Variants in RBFOX1 observed in about 807,000 individuals in gnomAD.
RBFOX1 encodes the protein RNA binding protein fox-1 homolog 1.
In RBFOX1, 8 loss-of-function variants were observed where a neutral mutation model predicts 57.7. The ratio of observed to expected loss-of-function variants is 0.14; its 90% CI spans 0.08 to 0.25. The LOEUF is 0.25. Among genes scored for constraint, RBFOX1 ranks in the 10% least tolerant of loss-of-function variants. RBFOX1 has a pLI of 1.00. For synonymous variants in RBFOX1, 326 were observed against 222.4 expected (o/e 1.47, Z -4.15); for missense variants, 611 against 548.5 (o/e 1.11, Z -1.14).
chr16:6,970,428 A>G (rs1158648459), intron 3 of RBFOX1, among the ~76,000 whole-genome samples: 1 of 152,170 alleles, frequency 6.6e-6, no homozygotes, highest in Admixed American at 6.5e-5. Flanking sequence ...AGGCTGCTAC[A>G]TCAAGATACC....
intron 13 of RBFOX1, among the ~76,000 whole-genome samples, chr16:7,670,448 A>G (rs2071025766): frequency 6.6e-6 from 1 of 152,246 alleles, no homozygotes; most frequent in South Asian, 2.1e-4. Flanking sequence ...CCCTGAGCCC[A>G]CAAACTCAAG....
chr16:5,675,581 AT>A (rs1389542724), intron 3 of RBFOX1, among the ~76,000 whole-genome samples: 1 of 152,216 alleles, frequency 6.6e-6, no homozygotes, highest in African/African-American at 2.4e-5. Context: ...CGAGCTGTTT[AT>A]GTTTAAACAT....
chr16:6,416,619 G>A (rs1247984744), intron 2 of RBFOX1, among the ~76,000 whole-genome samples: 3 of 152,106 alleles, frequency 2.0e-5, no homozygotes, highest in Non-Finnish European at 4.4e-5. Flanking sequence ...TATGTCCTCA[G>A]TAAGAACCCC....
intron 4 of RBFOX1, among the ~76,000 whole-genome samples, chr16:7,370,029 C>CT (rs1198555078): frequency 6.6e-6 from 1 of 152,194 alleles, no homozygotes; most frequent in Non-Finnish European, 1.5e-5. Context: ...TCTAAGTCAG[C>CT]TTCTGAACCT....
chr16:5,887,756 T>C (rs1232167575), intron 4 of RBFOX1, among the ~76,000 whole-genome samples: 1 of 152,156 alleles, frequency 6.6e-6, no homozygotes, highest in Non-Finnish European at 1.5e-5. Context: ...AGACAGGGAT[T>C]GGTTCACCCG....
intron 4 of RBFOX1, among the ~76,000 whole-genome samples, chr16:7,411,595 C>G (rs1256073991): frequency 1.3e-5 from 2 of 152,156 alleles, no homozygotes; most frequent in African/African-American, 2.4e-5. Context: ...ATCTGACTGT[C>G]AAGGTGATCA....
rs1404786206 is a variant in RBFOX1, at chr16:7,518,136, TGA to T, written c.28-10_28-9del. 5 of 1,606,520 alleles carry T rather than the reference TGA, an allele frequency of 3.1e-6. No homozygotes were observed. Among genetic ancestry groups the T allele is most frequent in the Admixed American group, 3.4e-5 (2 of 59,334 alleles). Reference sequence around the variant, plus strand: ...CGTTCTCTCCCTCTCTGCACCTTTTTGATTTTTCAGGGTAATCAGGAAGCAGC... The same window carrying T: ...CGTTCTCTCCCTCTCTGCACCTTTTTTTTTTCAGGGTAATCAGGAAGCAGC... On this transcript the variant is annotated splice_polypyrimidine_tract_variant and intron_variant, in intron 4 of 15. Transcript: ENST00000550418.
intron 3 of RBFOX1, among the ~76,000 whole-genome samples, chr16:7,039,003 G>T (rs1347687317): frequency 6.6e-6 from 1 of 151,418 alleles, no homozygotes; most frequent in African/African-American, 2.4e-5. Flanking sequence ...TGACTCTCTT[G>T]ATATAAGTAC....
At chr16:7,642,510 G>A (rs1381903974) in intron 11 of RBFOX1, among the ~76,000 whole-genome samples, 1 of 152,118 alleles carries the variant, frequency 6.6e-6, no homozygotes, top group Non-Finnish European at 1.5e-5. Flanking sequence ...AGAGAACCTT[G>A]GGAAATCCAG....
intron 4 of RBFOX1, among the ~76,000 whole-genome samples, chr16:7,263,082 C>G (rs2094983649): frequency 6.6e-6 from 1 of 152,190 alleles, no homozygotes; most frequent in African/African-American, 2.4e-5. Flanking sequence ...TCCACAACCT[C>G]TGAATAGCCC....
chr16:7,687,878 C>T (rs776190018), intron 14 of RBFOX1, among the ~76,000 whole-genome samples: 1 of 151,968 alleles, frequency 6.6e-6, no homozygotes, highest in Admixed American at 6.6e-5. Context: ...GTTCTCCGTG[C>T]TGGCTGACAG....
At chr16:6,957,916 A>G (rs902013830) in intron 3 of RBFOX1, among the ~76,000 whole-genome samples, 1 of 152,102 alleles carries the variant, frequency 6.6e-6, no homozygotes, top group Admixed American at 6.6e-5. Flanking sequence ...CATGCAGGAC[A>G]TCTGTGACCT....
chr16:6,069,317 G>A (rs557529908), intron 1 of RBFOX1, among the ~76,000 whole-genome samples: 1 of 149,032 alleles, frequency 6.7e-6, no homozygotes, highest in East Asian at 2.0e-4. Context: ...AGAATCACTT[G>A]AACCTGGAAG....
At chr16:6,070,255 G>A (rs899687866) in intron 1 of RBFOX1, among the ~76,000 whole-genome samples, 10 of 152,124 alleles carry the variant, frequency 6.6e-5, no homozygotes, top group African/African-American at 2.4e-4. Context: ...CTCCCCCAAA[G>A]TATCTAAATT....
chr16:7,314,227 T>C (rs2142856327), intron 4 of RBFOX1, among the ~76,000 whole-genome samples: 1 of 152,244 alleles, frequency 6.6e-6, no homozygotes, highest in South Asian at 2.1e-4. Flanking sequence ...TGGGGAGCTC[T>C]CCAACTAACA....
At chr16:5,606,779 G>A (rs1217855123) in intron 3 of RBFOX1, among the ~76,000 whole-genome samples, 1 of 152,102 alleles carries the variant, frequency 6.6e-6, no homozygotes, top group Non-Finnish European at 1.5e-5. Flanking sequence ...AAGGACAAGT[G>A]GGAGTCGTAA....
chr16:6,381,612 A>C (rs961985008), intron 2 of RBFOX1, among the ~76,000 whole-genome samples: 2 of 152,158 alleles, frequency 1.3e-5, no homozygotes, highest in Non-Finnish European at 2.9e-5. Flanking sequence ...TTGGATGTCA[A>C]CTATCTTCTT....
At chr16:6,551,024 G>A (rs1293579967) in intron 2 of RBFOX1, among the ~76,000 whole-genome samples, 2 of 152,130 alleles carry the variant, frequency 1.3e-5, no homozygotes, top group South Asian at 2.1e-4. Flanking sequence ...GACTGCAGAG[G>A]AGGAGATGGA....
At chr16:6,783,717 GTGCT>G (rs987496403) in intron 3 of RBFOX1, among the ~76,000 whole-genome samples, 1 of 151,974 alleles carries the variant, frequency 6.6e-6, no homozygotes, top group African/African-American at 2.4e-5. Context: ...ATTTATTTGT[GTGCT>G]TGCTTTTACC....
Sources: allele counts gnomAD v4.1 joint callset (sites outside exome capture counted in the v4.1 genomes callset), GRCh38; gene constraint gnomAD v4.1.1; transcripts MANE v1.5; gene names NCBI Gene and HGNC (gene_info 2026-07-23, HGNC 2026-07-21).